Variants in UBAC2 observed in about 807,000 individuals in gnomAD.
UBAC2 encodes ubiquitin-associated domain-containing protein 2.
Under a neutral mutation model 44.0 loss-of-function variants are expected in UBAC2, and 26 were observed. That is an observed-to-expected ratio of 0.59 (90% CI 0.43 to 0.82). UBAC2 has a LOEUF of 0.82. UBAC2 is among the 40% of genes least tolerant of loss of function. The pLI, the probability that UBAC2 is intolerant of heterozygous loss-of-function variation, is 0.00. For synonymous variants in UBAC2, 155 were observed against 154.3 expected (o/e 1.00, Z -0.04); for missense variants, 329 against 419.4 (o/e 0.78, Z 1.88).
At chr13:99,201,250 C>A (rs973460096) in intron 1 of UBAC2, 1 of 1,434,386 alleles carries the variant, frequency 7.0e-7, no homozygotes, top group Non-Finnish European at 9.1e-7. Context: ...TCTCGTGGGC[C>A]GGCCCCAGGC....
chr13:99,201,251 G>A (rs922236476), intron 1 of UBAC2: 23 of 1,431,388 alleles, frequency 1.6e-5, no homozygotes, highest in South Asian at 3.1e-5. Flanking sequence ...CTCGTGGGCC[G>A]GCCCCAGGCC....
intron 6 of UBAC2, among the ~76,000 whole-genome samples, chr13:99,339,229 A>G (rs1594143015): frequency 6.6e-6 from 1 of 152,114 alleles, no homozygotes; most frequent in South Asian, 2.1e-4. Flanking sequence ...TCCCCAGTTC[A>G]TCAAGTCACG....
At chr13:99,326,790 T>C (rs1051636245) in intron 6 of UBAC2, among the ~76,000 whole-genome samples, 1 of 152,132 alleles carries the variant, frequency 6.6e-6, no homozygotes, top group Admixed American at 6.5e-5. Flanking sequence ...CTCATCCATG[T>C]CTCTTCCAGC....
At chr13:99,208,235 G>C (rs1225710015) in intron 1 of UBAC2, among the ~76,000 whole-genome samples, 1 of 152,122 alleles carries the variant, frequency 6.6e-6, no homozygotes, top group Non-Finnish European at 1.5e-5. Flanking sequence ...GACCTCAGGT[G>C]ATCCGCCCTC....
intron 4 of UBAC2, among the ~76,000 whole-genome samples, chr13:99,302,736 C>G (rs772779557): frequency 1.3e-5 from 2 of 152,174 alleles, no homozygotes; most frequent in Non-Finnish European, 2.9e-5. Flanking sequence ...GGAGCTGTGA[C>G]CAGCATAGTC....
chr13:99,242,678 G>GGTCA (rs2043326920), intron 2 of UBAC2, among the ~76,000 whole-genome samples: 1 of 2,922 alleles, frequency 3.4e-4, no homozygotes, highest in East Asian at 0.011. Flanking sequence ...GGCCGGGCGG[G>GGTCA]GGGCTGACCC....
intron 4 of UBAC2, among the ~76,000 whole-genome samples, chr13:99,280,242 G>A (rs1025589524): frequency 1.3e-5 from 2 of 152,102 alleles, no homozygotes; most frequent in African/African-American, 4.8e-5. Context: ...ACACCTCAGA[G>A]CTCCAGCCAA....
At chr13:99,277,580 T>G (rs2043900515) in intron 4 of UBAC2, among the ~76,000 whole-genome samples, 1 of 152,120 alleles carries the variant, frequency 6.6e-6, no homozygotes, top group South Asian at 2.1e-4. Context: ...TAAAAAGGTG[T>G]GTGTTTTAAG....
chr13:99,202,985 A>G (rs2042823405), intron 1 of UBAC2, among the ~76,000 whole-genome samples: 1 of 152,056 alleles, frequency 6.6e-6, no homozygotes, highest in Non-Finnish European at 1.5e-5. Flanking sequence ...TCTCTGGAGA[A>G]GCTACCCACT....
chr13:99,288,423 CT>C (rs1168022067), intron 4 of UBAC2, among the ~76,000 whole-genome samples: 3 of 152,174 alleles, frequency 2.0e-5, no homozygotes, highest in Admixed American at 6.5e-5. Flanking sequence ...TAGACAACAG[CT>C]TTAAAATTTT....
intron 8 of UBAC2, among the ~76,000 whole-genome samples, chr13:99,378,677 A>G (rs951819546): frequency 1.3e-5 from 2 of 152,246 alleles, no homozygotes; most frequent in Non-Finnish European, 2.9e-5. Flanking sequence ...CTTGTTCGTC[A>G]TCATCACTGA....
chr13:99,244,477 A>C, intron 3 of UBAC2, 38 bp from the exon 4 acceptor site: 1,980 of 992,804 alleles, frequency 2.0e-3, no homozygotes, highest in Non-Finnish European at 2.9e-3. Flanking sequence ...TTTTTAGGAG[A>C]CTCATCTCTA....
At chr13:99,347,145 C>G (rs1316885939) in intron 7 of UBAC2, among the ~76,000 whole-genome samples, 2 of 151,742 alleles carry the variant, frequency 1.3e-5, no homozygotes, top group Non-Finnish European at 2.9e-5. Context: ...TACGGATACT[C>G]TTGAGAGAAC....
At chr13:99,242,289 G>GC (rs2043312477) in intron 2 of UBAC2, among the ~76,000 whole-genome samples, 1 of 151,956 alleles carries the variant, frequency 6.6e-6, no homozygotes, top group East Asian at 1.9e-4. Flanking sequence ...GGGCAGAGGT[G>GC]CCCCTCACCT....
chr13:99,320,143 C>T (rs1045872535), intron 6 of UBAC2, among the ~76,000 whole-genome samples: 16 of 151,872 alleles, frequency 1.1e-4, no homozygotes, highest in African/African-American at 3.9e-4. Context: ...TTTTAGACTC[C>T]TAGCTTTAAG....
At chr13:99,239,873 T>TG (rs1260605009) in intron 2 of UBAC2, among the ~76,000 whole-genome samples, 4 of 152,006 alleles carry the variant, frequency 2.6e-5, no homozygotes, top group Non-Finnish European at 4.4e-5. Context: ...ATGACATCCT[T>TG]GGGGGGTGAT....
intron 7 of UBAC2, among the ~76,000 whole-genome samples, chr13:99,355,222 G>A (rs981649893): frequency 1.2e-4 from 18 of 152,182 alleles, no homozygotes; most frequent in African/African-American, 4.3e-4. Context: ...TAATTTGTGT[G>A]TAGAGCCAAT....
chr13:99,275,225 G>A (rs187328529), intron 4 of UBAC2, among the ~76,000 whole-genome samples: 2 of 152,260 alleles, frequency 1.3e-5, no homozygotes, highest in East Asian at 3.9e-4. Flanking sequence ...AGGATGTCAG[G>A]GACCACAGTC....
chr13:99,238,367 A>T, intron 1 of UBAC2, 60 bp from the exon 2 acceptor site: 1 of 1,566,146 alleles, frequency 6.4e-7, no homozygotes, highest in Non-Finnish European at 8.7e-7. Context: ...CTTTTCACGC[A>T]TGTGGTTTTT....
Sources: gnomAD v4.1 joint callset for allele counts (sites outside exome capture counted in the v4.1 genomes callset) on GRCh38, gnomAD v4.1.1 for gene constraint, MANE v1.5 for transcripts, NCBI Gene and HGNC (gene_info 2026-07-23, HGNC 2026-07-21) for gene names.